VPS13C: variants seen among roughly 807,000 people sequenced by gnomAD.
VPS13C encodes intermembrane lipid transfer protein VPS13C.
Under a neutral mutation model 456.8 loss-of-function variants are expected in VPS13C, and 358 were observed. The ratio of observed to expected loss-of-function variants is 0.78; its 90% CI spans 0.72 to 0.86. VPS13C has a LOEUF of 0.86. Ranked by LOEUF, VPS13C falls within the 40% of genes least tolerant of loss-of-function variation. VPS13C has a pLI of 0.00. For missense variants in VPS13C, 4,818 were observed against 4,385.4 expected (o/e 1.10, Z -2.79); for synonymous variants, 1,578 against 1,486.7 (o/e 1.06, Z -1.41).
intron 21 of VPS13C, among the ~76,000 whole-genome samples, chr15:61,982,158 G>C (rs1192487948): frequency 1.3e-5 from 2 of 152,172 alleles, no homozygotes; most frequent in Non-Finnish European, 2.9e-5. Flanking sequence ...CACACAGTGT[G>C]ATTAACAGTT....
At position 62,010,490 on chromosome 15, in the gene VPS13C, A is replaced by G. The variant is rs143746628; in HGVS notation, c.993T>C (p.Ile331=). The stretch of plus-strand genomic sequence containing the variant: ...ATCATACCTGAGGTTTGGTCAGTTC[A>G]ATGGCAATATTTTGTATTTCTATGT... ...DCNIEIQNIA[I]ELTKPQYLSM... The change falls in exon 13 of 85, where the codon ATT becomes ATC. Residue 331 remains isoleucine, a synonymous_variant. Coordinates refer to ENST00000644861, the MANE Select transcript of VPS13C (RefSeq NM_020821.3). The G allele has an allele frequency of 7.4e-6, 12 of 1,612,762 alleles. No homozygotes were observed. The African/African-American group carries it at 1.5e-4, about 20-fold the overall frequency.
At chr15:61,912,026 A>G in intron 62 of VPS13C, 22 bp from the exon 63 acceptor site, 1 of 1,540,828 alleles carries the variant, frequency 6.5e-7, no homozygotes, top group Non-Finnish European at 8.8e-7. Context: ...AAAAAAGCTT[A>G]TTTTCCAGTT....
chr15:62,037,314 A>ATAT (rs1178622896), intron 3 of VPS13C, among the ~76,000 whole-genome samples: 1 of 76,034 alleles, frequency 1.3e-5, no homozygotes, highest in East Asian at 3.7e-4. Flanking sequence ...ATATATAAAT[A>ATAT]TATTATATAT....
chr15:61,985,206 C>A (rs555797430), intron 18 of VPS13C, among the ~76,000 whole-genome samples: 17 of 152,198 alleles, frequency 1.1e-4, no homozygotes, highest in African/African-American at 4.1e-4. Context: ...ACAAAATTGT[C>A]CACTCAAATA....
rs1484401608 is a variant in VPS13C, at chr15:61,923,187, C to T, written c.6610-425G>A. Reference sequence around the variant, plus strand: ...TCCTTGTCAAGATACACATAAATATCGGTATGCAACAAGATCTTCTGAAAA... The same window carrying T: ...TCCTTGTCAAGATACACATAAATATTGGTATGCAACAAGATCTTCTGAAAA... On this transcript the variant is annotated intron_variant, in intron 53 of 84. Coordinates refer to ENST00000644861, the MANE Select transcript of VPS13C (RefSeq NM_020821.3). Among the ~76,000 whole-genome samples, 5 of 146,168 alleles carry T rather than the reference C, an allele frequency of 3.4e-5. No individual in the cohort carries two copies. In the East Asian group the frequency reaches 8.0e-4, roughly 23 times the overall value.
In VPS13C at chr15:61,920,472, A is replaced by G. The variant is rs746989801; in HGVS notation, c.7212+26T>C. 17 of 1,507,168 alleles carry G rather than the reference A, an allele frequency of 1.1e-5. No individual in the cohort carries two copies. In the South Asian group the frequency reaches 2.3e-4, roughly 21 times the overall value. 93.4% of individuals were successfully genotyped at this position (1,507,168 alleles called of 1,614,324 possible). On this transcript the variant is annotated intron_variant, in intron 56 of 84. Transcript: ENST00000644861. ...GTTTCATTTTAAAATTCCACTTGAA[A>G]TATTCTAAGCAAGATTCAGACATAC...
chr15:61,963,662 C>G (rs1347500538), intron 32 of VPS13C, among the ~76,000 whole-genome samples, 173 bp downstream of exon 32: 3 of 152,000 alleles, frequency 2.0e-5, no homozygotes, highest in African/African-American at 7.2e-5. Flanking sequence ...TTGGGATGGT[C>G]AGATTCTGAC....
At chr15:61,954,881 G>C (rs980006906) in intron 37 of VPS13C, among the ~76,000 whole-genome samples, 1 of 152,138 alleles carries the variant, frequency 6.6e-6, no homozygotes, top group Non-Finnish European at 1.5e-5. Flanking sequence ...TATTCAAGTA[G>C]AGCAAAGGAC....
intron 69 of VPS13C, 53 bp downstream of exon 69, chr15:61,882,543 T>A: frequency 7.1e-7 from 1 of 1,416,550 alleles, no homozygotes; most frequent in Non-Finnish European, 9.3e-7. Flanking sequence ...GAAATTTCAT[T>A]CCCAAGATTC....
intron 18 of VPS13C, among the ~76,000 whole-genome samples, chr15:61,985,223 T>C (rs574208990): frequency 2.6e-5 from 4 of 152,274 alleles, no homozygotes; most frequent in Admixed American, 2.0e-4. Context: ...AATAGGATGC[T>C]TACAAAAGAT....
chr15:61,995,541 T>G (rs1258555840), intron 16 of VPS13C, among the ~76,000 whole-genome samples: 2 of 152,258 alleles, frequency 1.3e-5, no homozygotes, highest in East Asian at 3.8e-4. Flanking sequence ...GTGACCATCC[T>G]GCTGCAGTTT....
At chr15:61,901,684 C>T (rs1441296571) in intron 66 of VPS13C, among the ~76,000 whole-genome samples, 17 of 151,822 alleles carry the variant, frequency 1.1e-4, no homozygotes, top group Non-Finnish European at 1.9e-4. Context: ...CTAGTTCAAC[C>T]ATTGTGGAAG....
At chr15:62,006,893 T>A (rs1338543369) in intron 15 of VPS13C, among the ~76,000 whole-genome samples, 1 of 152,206 alleles carries the variant, frequency 6.6e-6, no homozygotes, top group African/African-American at 2.4e-5. Context: ...TTTGGCTGCA[T>A]AAATGTCTTC....
In VPS13C at chr15:61,951,033, G is replaced by A; in HGVS notation, c.4457-9C>T. The A allele has an allele frequency of 6.5e-7, 1 of 1,547,276 alleles. No homozygotes were observed. The highest frequency in any genetic ancestry group is 8.8e-7 in the Non-Finnish European group (1 of 1,141,064). On this transcript the variant is annotated splice_polypyrimidine_tract_variant and intron_variant, in intron 39 of 84. Transcript: ENST00000644861. ...AGGTTCCCCTTTAGAGTCTAAAAGA[G>A]AAAAAAGACAAAGTTGATCCATCAA...
chr15:61,941,027 TA>T (rs1339572589), intron 46 of VPS13C, among the ~76,000 whole-genome samples: 1 of 152,214 alleles, frequency 6.6e-6, no homozygotes, highest in African/African-American at 2.4e-5. Flanking sequence ...TTCAAAAACA[TA>T]ATTTTCATAC....
At chr15:62,031,770 A>G (rs956802666) in intron 5 of VPS13C, among the ~76,000 whole-genome samples, 1 of 152,060 alleles carries the variant, frequency 6.6e-6, no homozygotes, top group South Asian at 2.1e-4. Flanking sequence ...TACATCCTTT[A>G]TATCAAACCA....
rs548287334 is a variant in VPS13C, at chr15:61,933,719, G to A, written c.5868+500C>T. Among the ~76,000 whole-genome samples, 84 of 151,920 alleles carry A rather than the reference G, an allele frequency of 5.5e-4. 4 individuals carry two copies. The highest frequency in any genetic ancestry group is 2.7e-4 in the Non-Finnish European group (18 of 67,888). ...CAAATCATCATGGCATAAGACCTTG[G>A]CTCTTCAATTCTTTAATTAGTATCC... On this transcript the variant is annotated intron_variant, in intron 49 of 84. Coordinates refer to ENST00000644861, the MANE Select transcript of VPS13C (RefSeq NM_020821.3).
At chr15:61,870,701 G>A in intron 79 of VPS13C, among the ~76,000 whole-genome samples, 1 of 152,158 alleles carries the variant, frequency 6.6e-6, no homozygotes, top group Non-Finnish European at 1.5e-5. Context: ...TTGAAGCACT[G>A]ACAGACTATT....
intron 82 of VPS13C, 118 bp from the exon 83 acceptor site, chr15:61,856,527 G>T: frequency 1.7e-6 from 2 of 1,185,644 alleles, no homozygotes; most frequent in Non-Finnish European, 2.3e-6. Flanking sequence ...ATATAAACTG[G>T]CACTAAAAAA....
Sources: gnomAD v4.1 joint callset for allele counts (sites outside exome capture counted in the v4.1 genomes callset) on GRCh38, gnomAD v4.1.1 for gene constraint, MANE v1.5 for transcripts, NCBI Gene and HGNC (gene_info 2026-07-23, HGNC 2026-07-21) for gene names.